The following COPG2 variants were observed in gnomAD, a reference collection of about 807,000 sequenced individuals.
COPG2 encodes the protein coatomer subunit gamma-2.
A neutral mutation model predicts 46.3 loss-of-function variants in COPG2; 37 were observed. The observed-to-expected ratio is 0.80, with a 90% confidence interval of 0.61 to 1.05. The LOEUF is 1.05. Ranked by LOEUF, COPG2 falls within the 50% of genes least tolerant of loss-of-function variation. The pLI, the probability that COPG2 is intolerant of heterozygous loss-of-function variation, is 0.00. For synonymous variants in COPG2, 159 were observed against 129.7 expected, an observed-to-expected ratio of 1.23 and a Z score of -1.53; for missense variants, 427 against 387.8, an observed-to-expected ratio of 1.10 and a Z score of -0.85.
intron 20 of COPG2, among the ~76,000 whole-genome samples, chr7:130,538,715 C>G (rs912833622): frequency 2.0e-5 from 3 of 151,806 alleles, no homozygotes; most frequent in Non-Finnish European, 2.9e-5. Context: ...TGTTTTGAGT[C>G]TAGTATGTGG....
intron 9 of COPG2, among the ~76,000 whole-genome samples, chr7:130,572,145 C>T (rs1478115575): frequency 6.6e-6 from 1 of 152,058 alleles, no homozygotes; most frequent in Non-Finnish European, 1.5e-5. Flanking sequence ...GTATAGTGTA[C>T]ACTACTTGGG....
At chr7:130,660,975 G>C (rs1345484598) in intron 4 of COPG2, among the ~76,000 whole-genome samples, 1 of 152,100 alleles carries the variant, frequency 6.6e-6, no homozygotes, top group Non-Finnish European at 1.5e-5. Context: ...CACTAACCTG[G>C]CAAAACTTCA....
intron 20 of COPG2, among the ~76,000 whole-genome samples, chr7:130,531,477 C>A (rs1050602437): frequency 6.6e-6 from 1 of 151,982 alleles, no homozygotes; most frequent in Non-Finnish European, 1.5e-5. Context: ...ATAGTCAACA[C>A]CCAGAAGAAC....
chr7:130,510,862 A>G, intron 20 of COPG2: 1 of 514,268 alleles, frequency 1.9e-6, no homozygotes, highest in Non-Finnish European at 3.9e-6. Context: ...GGGCCTTTCC[A>G]TGGCAAGAAA....
intron 22 of COPG2, 144 bp downstream of exon 22, chr7:130,507,541 A>T: frequency 1.5e-6 from 1 of 659,212 alleles, no homozygotes; most frequent in East Asian, 2.6e-5. Context: ...GATCAATTAG[A>T]TGATGAAGAC....
chr7:130,586,655 C>G (rs1357573927), intron 9 of COPG2, among the ~76,000 whole-genome samples: 1 of 151,796 alleles, frequency 6.6e-6, no homozygotes, highest in Admixed American at 6.6e-5. Flanking sequence ...GTAGAGACAG[C>G]ATTTTACCAT....
chr7:130,547,420 C>A, intron 20 of COPG2: 1 of 351,618 alleles, frequency 2.8e-6, no homozygotes, highest in Middle Eastern at 7.5e-4. Context: ...CTGCTATACA[C>A]ACTCAGTTTC....
At chr7:130,541,852 G>A (rs1793333299) in intron 20 of COPG2, among the ~76,000 whole-genome samples, 1 of 141,662 alleles carries the variant, frequency 7.1e-6, no homozygotes, top group Non-Finnish European at 1.5e-5. Flanking sequence ...CTGAGAACAC[G>A]AATTAGGCCA....
At chr7:130,530,295 A>G (rs1341853283) in intron 20 of COPG2, among the ~76,000 whole-genome samples, 1 of 152,136 alleles carries the variant, frequency 6.6e-6, no homozygotes, top group African/African-American at 2.4e-5. Context: ...GTAAATGGAA[A>G]TAAAGGAGGT....
At chr7:130,511,853 T>G (rs10128) in intron 20 of COPG2, 65,673 of 518,678 alleles carry the variant, frequency 0.13, 4,799 homozygotes, top group East Asian at 0.21. Flanking sequence ...CTCTTAAAGC[T>G]TTTGAGGGAA....
Position 130,506,453 on chromosome 7 carries a change from A to G in COPG2, c.*223T>C. ...TTTCAAGATCACCCAAAGCTGCACT[A>G]TCGTCCCAAAGCTGACCAAGTAGAA... On this transcript the variant is annotated 3_prime_UTR_variant, in exon 24 of 24. Transcript: ENST00000425248. 1 of 301,010 alleles carries G rather than the reference A, an allele frequency of 3.3e-6. No homozygotes were observed. Among genetic ancestry groups the G allele is most frequent in the South Asian group, 6.1e-5 (1 of 16,440 alleles). 18.6% of individuals were successfully genotyped at this position (301,010 alleles called of 1,614,324 possible).
At chr7:130,513,579 A>G (rs1799647130) in intron 20 of COPG2, among the ~76,000 whole-genome samples, 1 of 151,738 alleles carries the variant, frequency 6.6e-6, no homozygotes, top group Non-Finnish European at 1.5e-5. Context: ...TGGTGTCATG[A>G]GGAAGTGCCA....
chr7:130,507,149 T>C lies in COPG2; in HGVS notation c.2485+125A>G, dbSNP rs1474263685. ...TGCAAAACAAATTATTCATTTTGAC[T>C]GGGTATCAAATTGTTACTCATATAA... On this transcript the variant is annotated intron_variant, in intron 23 of 23. Transcript: ENST00000425248. 2.8e-5 allele frequency: 19 copies of C among 685,496 alleles called. No individual in the cohort carries two copies. The African/African-American group carries it at 3.2e-4, about 12-fold the overall frequency. 42.5% of individuals were successfully genotyped at this position (685,496 alleles called of 1,614,324 possible). A position where few individuals can be genotyped will look rare whatever the true frequency, so the allele number is the denominator to read the frequency against.
chr7:130,617,898 C>T (rs1486856271), intron 5 of COPG2, among the ~76,000 whole-genome samples: 4 of 151,844 alleles, frequency 2.6e-5, no homozygotes, highest in Non-Finnish European at 5.9e-5. Flanking sequence ...CTCAGGAGTG[C>T]AAGACCAGCC....
intron 1 of COPG2, among the ~76,000 whole-genome samples, chr7:130,668,321 C>T (rs1796132323): frequency 6.6e-6 from 1 of 151,842 alleles, no homozygotes; most frequent in East Asian, 1.9e-4. Flanking sequence ...ACGCCCTCGG[C>T]CCCCGCCGGA....
intron 6 of COPG2, among the ~76,000 whole-genome samples, chr7:130,615,816 G>T (rs1319812694): frequency 1.3e-5 from 2 of 152,190 alleles, no homozygotes; most frequent in Admixed American, 6.5e-5. Context: ...CGCTTTCCTA[G>T]AGGTGGGACA....
At chr7:130,542,973 G>A (rs1793363682) in intron 20 of COPG2, among the ~76,000 whole-genome samples, 1 of 152,158 alleles carries the variant, frequency 6.6e-6, no homozygotes, top group Non-Finnish European at 1.5e-5. Context: ...TTAAATCCTA[G>A]ACGACAAGCG....
chr7:130,521,776 C>T (rs904703130), intron 20 of COPG2, among the ~76,000 whole-genome samples: 4 of 151,890 alleles, frequency 2.6e-5, no homozygotes, highest in African/African-American at 9.7e-5. Context: ...AACCCAGAAA[C>T]AATGAGGTCA....
chr7:130,611,126 A>C lies in COPG2; in HGVS notation c.580-16T>G. The C allele has an allele frequency of 6.2e-7, 1 of 1,604,862 alleles. No homozygotes were observed. Among genetic ancestry groups the C allele is most frequent in the Non-Finnish European group, 8.5e-7 (1 of 1,173,968 alleles). ...ATGCATGGTACTAAAGAACATGAAA[A>C]AGAAGGTAGCACATGGATTAGAAAG... On this transcript the variant is annotated splice_polypyrimidine_tract_variant and intron_variant, in intron 8 of 23. Transcript: ENST00000425248.
Sources: gnomAD v4.1 joint callset for allele counts (sites outside exome capture counted in the v4.1 genomes callset) on GRCh38, gnomAD v4.1.1 for gene constraint, MANE v1.5 for transcripts, NCBI Gene and HGNC (gene_info 2026-07-23, HGNC 2026-07-21) for gene names.